The following PIK3CD variants were observed in gnomAD, a reference collection of about 807,000 sequenced individuals.
PIK3CD encodes phosphatidylinositol 4,5-bisphosphate 3-kinase catalytic subunit delta isoform.
In PIK3CD, 20 loss-of-function variants were observed where a neutral mutation model predicts 122.9. The observed-to-expected ratio is 0.16, with a 90% CI of 0.11 to 0.24. The LOEUF (loss-of-function observed/expected upper bound fraction) is 0.24, where lower values mean the gene tolerates loss of function less well. Among genes scored for constraint, PIK3CD ranks in the 10% least tolerant of loss-of-function variants. PIK3CD has a pLI of 1.00. For synonymous variants in PIK3CD, 596 were observed against 593.4 expected (o/e 1.00, Z -0.06); for missense variants, 787 against 1,406.3 (o/e 0.56, Z 7.04).
intron 1 of PIK3CD, among the ~76,000 whole-genome samples, chr1:9,663,241 C>A (rs1157663871): frequency 6.6e-6 from 1 of 152,362 alleles, no homozygotes; most frequent in Non-Finnish European, 1.5e-5. Flanking sequence ...CTACCAGCCT[C>A]AGTTTCACTT....
At chr1:9,644,685 GCTACCT>G in the PIK3CD span, among the ~76,000 whole-genome samples, 6 of 152,256 alleles carry the variant, frequency 3.9e-5, no homozygotes, top group Non-Finnish European at 8.8e-5. Context: ...CTTGGAGGAA[GCTACCT>G]CAAGTTCCCT....
intron 1 of PIK3CD, among the ~76,000 whole-genome samples, chr1:9,667,915 T>TG (rs1557602402): frequency 1.4e-5 from 2 of 145,712 alleles, no homozygotes; most frequent in African/African-American, 5.0e-5. Context: ...TTTGTTTTTT[T>TG]TTTTTTTTTT....
At position 9,717,737 on chromosome 1, in the gene PIK3CD, C is replaced by A; in HGVS notation, c.1020+111C>A. ...GGGGGATCACATGAAAGCCACCTGA[C>A]CACATTACCCAGCATCCCTGCCTGG... is the stretch of plus-strand genomic sequence containing the variant. On this transcript the variant is annotated intron_variant, in intron 8 of 23. Coordinates refer to ENST00000377346, the MANE Select transcript of PIK3CD (RefSeq NM_005026.5). The surrounding 1 kb of genome is among the most constrained non-coding windows in gnomAD (Gnocchi z 5.4). 3 of 959,168 alleles carry A rather than the reference C, an allele frequency of 3.1e-6. No individual in the cohort carries two copies. Among genetic ancestry groups the A allele is most frequent in the Non-Finnish European group, 4.9e-6 (3 of 609,406 alleles). The allele number at this position is 959,168 out of a possible 1,614,324, so 59.4% of individuals were successfully genotyped here.
chr1:9,715,445 C>A lies in PIK3CD; in HGVS notation c.142-96C>A, dbSNP rs1443300936. The A allele has an allele frequency of 2.8e-6, 3 of 1,066,862 alleles. No individual in the cohort carries two copies. The highest frequency in any genetic ancestry group is 4.2e-6 in the Non-Finnish European group (3 of 707,612). The allele number at this position is 1,066,862 out of a possible 1,614,324, so 66.1% of individuals were successfully genotyped here. ...GCCTCTGCCCTCTGGGAGGTTTGGA[C>A]CCCCAGGCTGGAGGCCAGCTCTCCA... On this transcript the variant is annotated intron_variant, in intron 3 of 23. Coordinates refer to ENST00000377346, the MANE Select transcript of PIK3CD (RefSeq NM_005026.5). This position sits in a 1 kb window ranked among gnomAD's most constrained non-coding sequence, Gnocchi z 4.1.
chr1:9,715,636 G>A lies in PIK3CD; in HGVS notation c.237G>A (p.Gln79=), dbSNP rs1203000902. Reference sequence around the variant, plus strand: ...CCTGCATCAACCAGACAGCGGAGCAGCAAGAGCTGGAGGACGAGCAACGGC... The same window carrying A: ...CCTGCATCAACCAGACAGCGGAGCAACAAGAGCTGGAGGACGAGCAACGGC... ...VFTCINQTAE[Q]QELEDEQRRL... The change falls in exon 4 of 24, where the codon CAG becomes CAA. Residue 79 remains glutamine (Q), a synonymous_variant. Transcript: ENST00000377346. The surrounding 1 kb of genome is among the most constrained non-coding windows in gnomAD (Gnocchi z 4.1). 1.2e-6 allele frequency: 2 copies of A among 1,613,710 alleles called. No homozygotes were observed. The highest frequency in any genetic ancestry group is 1.7e-6 in the Non-Finnish European group (2 of 1,180,046).
chr1:9,691,296 G>A (rs1284881436), intron 1 of PIK3CD, among the ~76,000 whole-genome samples, 171 bp from the exon 2 acceptor site: 4 of 152,212 alleles, frequency 2.6e-5, no homozygotes, highest in Non-Finnish European at 5.9e-5. Context: ...TGGCATTGAC[G>A]CAGATGGCAA....
At chr1:9,703,210 G>C (rs1015884177) in intron 2 of PIK3CD, among the ~76,000 whole-genome samples, 1 of 152,250 alleles carries the variant, frequency 6.6e-6, no homozygotes, top group Admixed American at 6.5e-5. Flanking sequence ...GGACTGACTT[G>C]ATAGTCATAT....
intron 2 of PIK3CD, among the ~76,000 whole-genome samples, chr1:9,705,559 C>G (rs533748708): frequency 2.9e-4 from 44 of 151,996 alleles, no homozygotes; most frequent in African/African-American, 1.1e-3. Context: ...ACACCATAAG[C>G]AAAGCAAAAA....
At position 9,699,551 on chromosome 1, in the gene PIK3CD, C is replaced by T. The variant is rs538003049; in HGVS notation, c.-33+7980C>T. Among the ~76,000 whole-genome samples, 5 of 152,222 alleles carry T rather than the reference C, an allele frequency of 3.3e-5. No individual in the cohort carries two copies. The East Asian group carries it at 5.8e-4, about 18-fold the overall frequency. On this transcript the variant is annotated intron_variant, in intron 2 of 23. Transcript: ENST00000377346. ...TCTCCCAGTCACCCTCTCCCAGTCA[C>T]GCCCTTGACTTCAGGCACCTGCCTC...
upstream of PIK3CD, among the ~76,000 whole-genome samples, chr1:9,649,229 G>A (rs189060810): frequency 3.2e-3 from 481 of 151,446 alleles, 1 homozygote; most frequent in Non-Finnish European, 5.6e-3. Context: ...CCTCTCTCTC[G>A]CTCTTTTTCT....
At chr1:9,640,682 G>T in the PIK3CD span, among the ~76,000 whole-genome samples, 2 of 152,038 alleles carry the variant, frequency 1.3e-5, no homozygotes, top group Admixed American at 1.3e-4. Flanking sequence ...CCATTTGACT[G>T]AGCAAGGAAA....
chr1:9,724,762 G>A lies in PIK3CD; in HGVS notation c.2865-42G>A. ...CAGAGCGGCCCTCTGGCCTGTGGCT[G>A]GGAGTTCCCAGAGCCTCACTTCCTC... On this transcript the variant is annotated intron_variant, in intron 22 of 23. Coordinates refer to ENST00000377346, the MANE Select transcript of PIK3CD (RefSeq NM_005026.5). This position sits in a 1 kb window ranked among gnomAD's most constrained non-coding sequence, Gnocchi z 7.3. 6.2e-7 allele frequency: 1 copy of A among 1,611,590 alleles called. No homozygotes were observed. The highest frequency in any genetic ancestry group is 8.5e-7 in the Non-Finnish European group (1 of 1,179,810).
intron 1 of PIK3CD, among the ~76,000 whole-genome samples, chr1:9,684,026 T>C (rs1033556756): frequency 6.6e-6 from 1 of 152,148 alleles, no homozygotes; most frequent in Non-Finnish European, 1.5e-5. Flanking sequence ...TCTAACTTAA[T>C]GCTCAGAATT....
rs1173266279 is a variant in PIK3CD, at chr1:9,689,807, G to A, written c.-137-1660G>A. On this transcript the variant is annotated intron_variant, in intron 1 of 23. Coordinates refer to ENST00000377346, the MANE Select transcript of PIK3CD (RefSeq NM_005026.5). This position sits in a 1 kb window ranked among gnomAD's most constrained non-coding sequence, Gnocchi z 6.1. ...GGGCGTCCCACCCCGCCCAGCCCCG[G>A]GCTTTGTCCGCCTGGGGCGGGGTGG... Among the ~76,000 whole-genome samples, 1 of 151,898 alleles carries A rather than the reference G, an allele frequency of 6.6e-6. No individual in the cohort carries two copies. Among genetic ancestry groups the A allele is most frequent in the Non-Finnish European group, 1.5e-5 (1 of 67,856 alleles).
At chr1:9,716,205 CTG>C in intron 5 of PIK3CD, 127 bp downstream of exon 5, 3 of 924,726 alleles carry the variant, frequency 3.2e-6, no homozygotes, top group Non-Finnish European at 5.1e-6. Flanking sequence ...TGCCAGGTGT[CTG>C]TGCATGTGTG....
chr1:9,657,572 C>T (rs1570063789), intron 1 of PIK3CD, among the ~76,000 whole-genome samples: 1 of 152,052 alleles, frequency 6.6e-6, no homozygotes, highest in African/African-American at 2.4e-5. Context: ...TCACCCCCAA[C>T]CTCCTGGGGT....
chr1:9,720,236 G>A lies in PIK3CD; in HGVS notation c.1464G>A (p.Leu488=), dbSNP rs750963348. The stretch of plus-strand genomic sequence containing the variant: ...CGCACCCCGTGTACTACCCCGCCCT[G>A]GAGAAGGTCAGTGGGGGCCCCGCCG... ...VAPHPVYYPA[L]EKILELGRHS... The change falls in exon 11 of 24, where the codon CTG becomes CTA. Residue 488 remains leucine (L), a synonymous_variant. Transcript: ENST00000377346. The surrounding 1 kb of genome is among the most constrained non-coding windows in gnomAD (Gnocchi z 9.0). 1 of 1,605,368 alleles carries A rather than the reference G, an allele frequency of 6.2e-7. No homozygotes were observed. The highest frequency in any genetic ancestry group is 8.5e-7 in the Non-Finnish European group (1 of 1,174,194).
In PIK3CD at chr1:9,720,989, AC is replaced by A; in HGVS notation, c.1689+85del. On this transcript the variant is annotated intron_variant, in intron 13 of 23. Coordinates refer to ENST00000377346, the MANE Select transcript of PIK3CD (RefSeq NM_005026.5). This position sits in a 1 kb window ranked among gnomAD's most constrained non-coding sequence, Gnocchi z 9.0. Reference sequence around the variant, plus strand: ...CTACCCACCACCCTGACCCCGGCCAACCCCCACCCTCACCCTGGCCAACCTT... The same window carrying A: ...CTACCCACCACCCTGACCCCGGCCAACCCCACCCTCACCCTGGCCAACCTT... 1.4e-6 allele frequency: 2 copies of A among 1,457,682 alleles called. No individual in the cohort carries two copies. Among genetic ancestry groups the A allele is most frequent in the African/African-American group, 1.4e-5 (1 of 70,384 alleles). 90.3% of individuals were successfully genotyped at this position (1,457,682 alleles called of 1,614,324 possible).
Position 9,704,324 on chromosome 1 carries a change from G to A in PIK3CD, c.-32-6100G>A, listed in dbSNP as rs182958252. ...AGGAGAGTGAGGGGTGTATTTTCCT[G>A]GAACCCAGGCTGTGGGTTGGAGTCC... On this transcript the variant is annotated intron_variant, in intron 2 of 23. Transcript: ENST00000377346. This position sits in a 1 kb window ranked among gnomAD's most constrained non-coding sequence, Gnocchi z 5.0. Among the ~76,000 whole-genome samples the A allele has an allele frequency of 5.3e-5, 8 of 152,270 alleles. No homozygotes were observed. Among genetic ancestry groups the A allele is most frequent in the Admixed American group, 4.6e-4 (7 of 15,286 alleles).
Sources: gnomAD v4.1 joint callset for allele counts (sites outside exome capture counted in the v4.1 genomes callset) on GRCh38, gnomAD v4.1.1 for gene constraint, Gnocchi (gnomAD v3.1) non-coding constraint, MANE v1.5 for transcripts, NCBI Gene and HGNC (gene_info 2026-07-23, HGNC 2026-07-21) for gene names.